The following INIP variants were observed in gnomAD, a reference collection of about 807,000 sequenced individuals.
INIP encodes SOSS complex subunit C.
In INIP, 9 loss-of-function variants were observed where a neutral mutation model predicts 14.0. The observed-to-expected ratio is 0.64, with a 90% CI of 0.39 to 1.12. INIP has a LOEUF of 1.12. Ranked by LOEUF, INIP falls within the 50% of genes most tolerant of loss-of-function variation. INIP has a pLI of 0.01. For synonymous variants in INIP, 37 were observed against 41.5 expected (o/e 0.89, Z 0.41); for missense variants, 78 against 122.7 (o/e 0.64, Z 1.72).
chr9:112,702,188 T>C (rs1838320209), intron 2 of INIP, among the ~76,000 whole-genome samples: 1 of 152,226 alleles, frequency 6.6e-6, no homozygotes, highest in Admixed American at 6.5e-5. Context: ...TCCTGATCTG[T>C]TGTTTGCAGC....
At position 112,687,463 on chromosome 9, in the gene INIP, G is replaced by A. The variant is rs766098900; in HGVS notation, c.*75C>T. On this transcript the variant is annotated 3_prime_UTR_variant, in exon 5 of 5. Coordinates refer to ENST00000374242, the MANE Select transcript of INIP (RefSeq NM_021218.3). Reference sequence around the variant, plus strand: ...GTTCACCAAAATTCTTAAAGTCACAGTTCATGTAGCACTGAATGATAGTAG... The same window carrying A: ...GTTCACCAAAATTCTTAAAGTCACAATTCATGTAGCACTGAATGATAGTAG... The A allele has an allele frequency of 1.1e-6, 1 of 887,448 alleles. No individual in the cohort carries two copies. The allele number at this position is 887,448 out of a possible 1,614,324, so 55.0% of individuals were successfully genotyped here.
At chr9:112,688,233 C>T (rs1020035305) in intron 4 of INIP, among the ~76,000 whole-genome samples, 6 of 152,130 alleles carry the variant, frequency 3.9e-5, no homozygotes, top group Admixed American at 6.5e-5. Flanking sequence ...TCTCTCTCTA[C>T]CCTGTGATCA....
intron 3 of INIP, among the ~76,000 whole-genome samples, chr9:112,691,652 A>G (rs1198146862): frequency 6.6e-6 from 1 of 152,264 alleles, no homozygotes; most frequent in Non-Finnish European, 1.5e-5. Context: ...AAAAGAAATC[A>G]AGATAGTCTC....
intron 2 of INIP, among the ~76,000 whole-genome samples, chr9:112,715,064 G>A (rs961181695): frequency 1.3e-5 from 2 of 151,612 alleles, no homozygotes; most frequent in African/African-American, 4.9e-5. Context: ...ATGAAATGAA[G>A]TGTTGCCTGA....
At chr9:112,702,858 C>T (rs1401768783) in intron 2 of INIP, among the ~76,000 whole-genome samples, 2 of 152,104 alleles carry the variant, frequency 1.3e-5, no homozygotes, top group South Asian at 2.1e-4. Context: ...ACACTGTCCC[C>T]GGATGAAAAA....
chr9:112,686,222 T>TA lies in INIP; in HGVS notation c.*1315dup, dbSNP rs1158794632. On this transcript the variant is annotated 3_prime_UTR_variant, in exon 5 of 5. Coordinates refer to ENST00000374242, the MANE Select transcript of INIP (RefSeq NM_021218.3). ...TAAAAGTTAAAAAAAATGTAGATTT[T>TA]AGCTAAATGACCTCTAAGTTTCAGG... is the stretch of plus-strand genomic sequence containing the variant. 3 of 152,186 alleles carry TA rather than the reference T, an allele frequency of 2.0e-5. No homozygotes were observed. The highest frequency in any genetic ancestry group is 1.3e-4 in the Admixed American group (2 of 15,276). The allele number at this position is 152,186 out of a possible 1,614,324, so 9.4% of individuals were successfully genotyped here.
rs1420434599 is a variant in INIP, at chr9:112,689,615, A to G, written c.131T>C (p.Ile44Thr). 8.7e-6 allele frequency: 14 copies of G among 1,613,074 alleles called. No individual in the cohort carries two copies. Among genetic ancestry groups the G allele is most frequent in the South Asian group, 2.2e-5 (2 of 91,056 alleles). Residue 44 changes from isoleucine to threonine, a missense_variant and splice_region_variant, in exon 4 of 5, where the codon ATT becomes ACT. Coordinates refer to ENST00000374242, the MANE Select transcript of INIP (RefSeq NM_021218.3). ...QSSTNHPGASIALSRPSLNKD... is the reference protein window; with the variant it reads ...QSSTNHPGASTALSRPSLNKD... ...ATTAAGAGAGGGTCTCGAGAGTGCAATGCTAAAATGGGAATCTTGGTTACT... is the reference window on the plus strand; with the variant it reads ...ATTAAGAGAGGGTCTCGAGAGTGCAGTGCTAAAATGGGAATCTTGGTTACT...
intron 3 of INIP, 41 bp downstream of exon 3, chr9:112,694,090 A>C (rs964508603): frequency 5.2e-6 from 7 of 1,345,110 alleles, no homozygotes; most frequent in South Asian, 1.2e-5. Context: ...AAAACAAAAC[A>C]AAACAAAACA....
chr9:112,688,624 C>T (rs1009880227), intron 4 of INIP, among the ~76,000 whole-genome samples: 4 of 151,968 alleles, frequency 2.6e-5, no homozygotes, highest in Non-Finnish European at 5.9e-5. Context: ...AGTTTGAGAC[C>T]AGTCTGGGCA....
At chr9:112,698,303 CA>C (rs755265359) in intron 2 of INIP, among the ~76,000 whole-genome samples, 5,817 of 43,520 alleles carry the variant, frequency 0.13, 37 homozygotes, top group East Asian at 0.2. Flanking sequence ...GACTCTGTCT[CA>C]AAAAAAAAAA....
chr9:112,690,014 A>T (rs1389971709), intron 3 of INIP, among the ~76,000 whole-genome samples: 1 of 152,180 alleles, frequency 6.6e-6, no homozygotes, highest in Non-Finnish European at 1.5e-5. Context: ...GGTAAAAAAA[A>T]ACCTCCAAGA....
chr9:112,686,430 T>C lies in INIP; in HGVS notation c.*1108A>G, dbSNP rs1298037813. On this transcript the variant is annotated 3_prime_UTR_variant, in exon 5 of 5. Transcript: ENST00000374242. ...CCCAGATACTGCTAAAGATGGGTCATGTTGAGAGACTTTCTTAACCTAATC... is the reference window on the plus strand; with the variant it reads ...CCCAGATACTGCTAAAGATGGGTCACGTTGAGAGACTTTCTTAACCTAATC... 2 of 152,214 alleles carry C rather than the reference T, an allele frequency of 1.3e-5. No individual in the cohort carries two copies. Among genetic ancestry groups the C allele is most frequent in the South Asian group, 2.1e-4 (1 of 4,832 alleles). 9.4% of individuals were successfully genotyped at this position (152,214 alleles called of 1,614,324 possible).
chr9:112,702,862 T>C (rs913742305), intron 2 of INIP, among the ~76,000 whole-genome samples: 1 of 152,172 alleles, frequency 6.6e-6, no homozygotes, highest in African/African-American at 2.4e-5. Flanking sequence ...TGTCCCCGGA[T>C]GAAAAATTTA....
rs1275335850 is a variant in INIP, at chr9:112,695,811, A to AAGAAGAAGGAGAAGAAGAAGG, written c.26-1599_26-1579dup. Among the ~76,000 whole-genome samples, 5 of 95,802 alleles carry AAGAAGAAGGAGAAGAAGAAGG rather than the reference A, an allele frequency of 5.2e-5. No individual in the cohort carries two copies. In the East Asian group the frequency reaches 1.5e-3, roughly 29 times the overall value. The allele number at this position is 95,802 out of a possible 152,430, so 62.8% of individuals were successfully genotyped here. ...GGGGGAGGGGGAGGAGGAGGAGGAG[A>AAGAAGAAGGAGAAGAAGAAGG]AGAAGAAGGAGAAGAAGAAGGAGAA... On this transcript the variant is annotated intron_variant, in intron 2 of 4. Coordinates refer to ENST00000374242, the MANE Select transcript of INIP (RefSeq NM_021218.3).
intron 2 of INIP, 149 bp from the exon 3 acceptor site, chr9:112,694,382 T>C (rs1838005325): frequency 1.0e-5 from 6 of 580,722 alleles, no homozygotes; most frequent in Non-Finnish European, 1.2e-5. Flanking sequence ...GTAAGTACTT[T>C]CCCTAAATGG....
intron 4 of INIP, among the ~76,000 whole-genome samples, chr9:112,688,458 C>T (rs1285937096): frequency 7.0e-6 from 1 of 142,590 alleles, no homozygotes; most frequent in African/African-American, 2.6e-5. Context: ...ATGTAAATAA[C>T]AGAAAACCAC....
chr9:112,711,538 T>C (rs1454584299), intron 2 of INIP, among the ~76,000 whole-genome samples: 1 of 152,228 alleles, frequency 6.6e-6, no homozygotes, highest in Non-Finnish European at 1.5e-5. Flanking sequence ...TCATTTGCAG[T>C]GCATTGTGTG....
intron 3 of INIP, among the ~76,000 whole-genome samples, chr9:112,691,230 T>C (rs965194589): frequency 1.3e-5 from 2 of 152,204 alleles, no homozygotes; most frequent in Non-Finnish European, 2.9e-5. Flanking sequence ...TTTCAAAGTA[T>C]AATCACAAGA....
Position 112,694,198 on chromosome 9 carries a change from C to G in INIP, c.61G>C (p.Glu21Gln), listed in dbSNP as rs773507034. The change falls in exon 3 of 5, where the codon GAA becomes CAA. Residue 21 changes from glutamate (E) to glutamine (Q), a missense_variant. Transcript: ENST00000374242. Reference sequence around the variant, plus strand: ...AGTTTTCTTTTCTCTTTGTCCAGTTCTGCCAAGATTGCAACTCTATTTTTG... The same window carrying G: ...AGTTTTCTTTTCTCTTTGTCCAGTTGTGCCAAGATTGCAACTCTATTTTTG... ...QNKNRVAILAELDKEKRKLLM... is the reference protein window; with the variant it reads ...QNKNRVAILAQLDKEKRKLLM... The G allele has an allele frequency of 1.2e-6, 2 of 1,611,272 alleles. No individual in the cohort carries two copies. The highest frequency in any genetic ancestry group is 2.7e-5 in the African/African-American group (2 of 74,698).
Sources: allele counts gnomAD v4.1 joint callset (sites outside exome capture counted in the v4.1 genomes callset), GRCh38; gene constraint gnomAD v4.1.1; transcripts MANE v1.5; gene names NCBI Gene and HGNC (gene_info 2026-07-23, HGNC 2026-07-21).